The following MDGA2 variants were observed in gnomAD, a reference collection of about 807,000 sequenced individuals.
MDGA2 encodes the protein MAM domain containing glycosylphosphatidylinositol anchor 2, also known as MAM domain-containing glycosylphosphatidylinositol anchor protein 2.
A neutral mutation model predicts 117.8 loss-of-function variants in MDGA2; 40 were observed. That is an observed-to-expected ratio of 0.34 (90% confidence interval 0.26 to 0.44). MDGA2 has a LOEUF of 0.44. MDGA2 is among the 20% of genes least tolerant of loss of function. The pLI is 1.00. For missense variants in MDGA2, 1,123 were observed against 1,250.6 expected, an observed-to-expected ratio of 0.90 and a Z score of 1.54; for synonymous variants, 452 against 439.0, an observed-to-expected ratio of 1.03 and a Z score of -0.37.
intron 8 of MDGA2, among the ~76,000 whole-genome samples, chr14:46,989,572 T>G (rs1887004571): frequency 6.6e-6 from 1 of 152,072 alleles, no homozygotes; most frequent in Admixed American, 6.6e-5. Context: ...CAATAGCTAC[T>G]CAATAAAGAT....
rs569285314 is a variant in MDGA2, at chr14:47,243,769, G to T, written c.421-25574C>A. ...CGCGAGGGTCCGAGGCTTCATTCTT[G>T]AAGTCAGTGAGACCAAGAACCCACC... On this transcript the variant is annotated intron_variant, in intron 2 of 16. Transcript: ENST00000399232. 1.1e-3 allele frequency among the ~76,000 whole-genome samples: 166 copies of T among 151,766 alleles called. 5 individuals are homozygous for T. Among genetic ancestry groups the T allele is most frequent in the Non-Finnish European group, 2.1e-3 (140 of 67,776 alleles).
At chr14:47,506,669 A>C (rs1295532524) in intron 1 of MDGA2, among the ~76,000 whole-genome samples, 1 of 152,176 alleles carries the variant, frequency 6.6e-6, no homozygotes, top group Non-Finnish European at 1.5e-5. Context: ...GTCCTAATTG[A>C]GATGTGTTGC....
At chr14:47,120,756 C>G (rs2139102280) in intron 5 of MDGA2, among the ~76,000 whole-genome samples, 1 of 152,258 alleles carries the variant, frequency 6.6e-6, no homozygotes, top group Non-Finnish European at 1.5e-5. Context: ...TTCACTATTT[C>G]CCAGCATACC....
intron 2 of MDGA2, among the ~76,000 whole-genome samples, chr14:47,238,325 T>C (rs1886930743): frequency 6.6e-6 from 1 of 152,152 alleles, no homozygotes. Flanking sequence ...GCTGAGATTG[T>C]GTAGATCTTG....
chr14:47,592,356 ACCATTG>A (rs1348982344), intron 1 of MDGA2, among the ~76,000 whole-genome samples: 2 of 152,046 alleles, frequency 1.3e-5, no homozygotes, highest in Admixed American at 1.3e-4. Context: ...CCATTAAACT[ACCATTG>A]CCATTCTTTA....
At chr14:47,578,148 C>T (rs1008583998) in intron 1 of MDGA2, among the ~76,000 whole-genome samples, 1 of 152,048 alleles carries the variant, frequency 6.6e-6, no homozygotes, top group African/African-American at 2.4e-5. Flanking sequence ...AGTCATTATC[C>T]TCCACAAACT....
chr14:47,521,124 C>T (rs1894858922), intron 1 of MDGA2, among the ~76,000 whole-genome samples: 1 of 152,192 alleles, frequency 6.6e-6, no homozygotes, highest in Non-Finnish European at 1.5e-5. Flanking sequence ...TTCCCACATT[C>T]CCTGACCCCA....
intron 1 of MDGA2, among the ~76,000 whole-genome samples, chr14:47,403,639 G>C (rs4900754): frequency 0.77 from 117,176 of 152,030 alleles, 45,381 homozygotes; most frequent in Middle Eastern, 0.85. Context: ...CCTGCTGTTT[G>C]TCATCATTTC....
At chr14:46,895,451 C>T (rs907681461) in intron 10 of MDGA2, among the ~76,000 whole-genome samples, 9 of 152,240 alleles carry the variant, frequency 5.9e-5, no homozygotes, top group South Asian at 2.1e-4. Flanking sequence ...GTTGGCCAGG[C>T]GCGGTGCCTC....
At chr14:47,520,809 T>C (rs1172935802) in intron 1 of MDGA2, among the ~76,000 whole-genome samples, 4 of 152,160 alleles carry the variant, frequency 2.6e-5, no homozygotes, top group Admixed American at 6.5e-5. Flanking sequence ...ATTCATTACA[T>C]GAAAAACTTG....
intron 3 of MDGA2, among the ~76,000 whole-genome samples, chr14:47,192,486 G>A (rs994628895): frequency 2.6e-5 from 4 of 151,924 alleles, no homozygotes; most frequent in African/African-American, 9.7e-5. Flanking sequence ...GTGGTGGCAC[G>A]TAGCTGTAGT....
intron 2 of MDGA2, among the ~76,000 whole-genome samples, chr14:47,220,338 C>G (rs1402416381): frequency 2.6e-5 from 4 of 152,134 alleles, no homozygotes; most frequent in Non-Finnish European, 5.9e-5. Flanking sequence ...GTCACAGAGC[C>G]CAGTCACTCC....
intron 1 of MDGA2, among the ~76,000 whole-genome samples, chr14:47,479,952 C>T (rs1893918015): frequency 6.6e-6 from 1 of 152,046 alleles, no homozygotes; most frequent in Non-Finnish European, 1.5e-5. Context: ...TGTATAGGTT[C>T]ACATCTTACC....
chr14:47,249,530 T>A (rs1169388722), intron 2 of MDGA2, among the ~76,000 whole-genome samples: 2 of 152,122 alleles, frequency 1.3e-5, no homozygotes. Flanking sequence ...TTTGCCATGT[T>A]GCCTAGGCTG....
At chr14:46,939,892 T>C (rs575461292) in intron 9 of MDGA2, among the ~76,000 whole-genome samples, 1 of 152,248 alleles carries the variant, frequency 6.6e-6, no homozygotes, top group East Asian at 1.9e-4. Context: ...GTATGGTTGC[T>C]CACAACCAAG....
At chr14:46,981,454 T>A (rs1886669678) in intron 8 of MDGA2, among the ~76,000 whole-genome samples, 1 of 152,180 alleles carries the variant, frequency 6.6e-6, no homozygotes, top group Non-Finnish European at 1.5e-5. Context: ...TTTATGCTTT[T>A]ATTACTACTG....
chr14:47,173,766 A>G lies in MDGA2; in HGVS notation c.596-29492T>C, dbSNP rs976627407. ...CTAACGAGCAAAATAACCAGCTAAC[A>G]TCATAATGACAGGATCAAATTCACA... On this transcript the variant is annotated intron_variant, in intron 3 of 16. Transcript: ENST00000399232. 9.2e-5 allele frequency among the ~76,000 whole-genome samples: 14 copies of G among 152,192 alleles called. 1 individual carries two copies. The highest frequency in any genetic ancestry group is 9.2e-4 in the Admixed American group (14 of 15,270).
chr14:47,053,154 G>C (rs754929735), intron 7 of MDGA2, among the ~76,000 whole-genome samples: 1 of 151,878 alleles, frequency 6.6e-6, no homozygotes, highest in Admixed American at 6.6e-5. Context: ...TCAAATTAGA[G>C]AGCTTATTTT....
chr14:47,195,551 TC>T (rs1885259468), intron 3 of MDGA2, among the ~76,000 whole-genome samples: 1 of 152,032 alleles, frequency 6.6e-6, no homozygotes, highest in African/African-American at 2.4e-5. Flanking sequence ...TATTAAGGTT[TC>T]TTTTGATATT....
Sources: gnomAD v4.1 joint callset for allele counts (sites outside exome capture counted in the v4.1 genomes callset) on GRCh38, gnomAD v4.1.1 for gene constraint, MANE v1.5 for transcripts, NCBI Gene and HGNC (gene_info 2026-07-23, HGNC 2026-07-21) for gene names.